The following PROK2 variants were observed in gnomAD, a reference collection of about 807,000 sequenced individuals.
PROK2 encodes the protein prokineticin 2.
Under a neutral mutation model 14.2 loss-of-function variants are expected in PROK2, and 8 were observed. The ratio of observed to expected loss-of-function variants is 0.56; its 90% confidence interval spans 0.33 to 1.02. PROK2 has a LOEUF of 1.02. Ranked by LOEUF, PROK2 falls within the 50% of genes least tolerant of loss-of-function variation. PROK2 has a pLI of 0.03. For missense variants in PROK2, 154 were observed against 160.4 expected, an observed-to-expected ratio of 0.96 and a Z score of 0.22; for synonymous variants, 59 against 60.7, an observed-to-expected ratio of 0.97 and a Z score of 0.13.
At chr3:71,773,096 C>T (rs1252168227) in intron 3 of PROK2, among the ~76,000 whole-genome samples, 7 of 152,200 alleles carry the variant, frequency 4.6e-5, no homozygotes, top group African/African-American at 9.7e-5. Flanking sequence ...TCTTCTGCCT[C>T]GGGCTCCCGA....
chr3:71,784,981 A>G lies in PROK2; in HGVS notation c.72T>C (p.Ala24=). 1 of 1,249,878 alleles carries G rather than the reference A, an allele frequency of 8.0e-7. No individual in the cohort carries two copies. Among genetic ancestry groups the G allele is most frequent in the Non-Finnish European group, 1.0e-6 (1 of 994,912 alleles). The allele number at this position is 1,249,878 out of a possible 1,614,324, so 77.4% of individuals were successfully genotyped here. ...CCCCGGTGATCACGGCGGCGTCCCCAGCGCGGGGCGTGAGCAGCAGCGGCG... is the reference window on the plus strand; with the variant it reads ...CCCCGGTGATCACGGCGGCGTCCCCGGCGCGGGGCGTGAGCAGCAGCGGCG... The part of the protein sequence containing the change: ...LLPPLLLTPR[A]GDAAVITGAC... Residue 24 remains alanine (A), a synonymous_variant, in exon 1 of 4, where the codon GCT becomes GCC. Coordinates refer to ENST00000295619, the MANE Select transcript of PROK2 (RefSeq NM_001126128.2).
At chr3:71,780,776 C>T (rs566967470) in intron 2 of PROK2, among the ~76,000 whole-genome samples, 2 of 152,280 alleles carry the variant, frequency 1.3e-5, no homozygotes, top group South Asian at 2.1e-4. Flanking sequence ...ACCTTCCTGA[C>T]CCCTGTAGAC....
chr3:71,775,962 G>A (rs994077289), intron 2 of PROK2, among the ~76,000 whole-genome samples: 1 of 152,072 alleles, frequency 6.6e-6, no homozygotes, highest in Non-Finnish European at 1.5e-5. Flanking sequence ...GCCCTGCCCA[G>A]CTCCGAGCAG....
At chr3:71,777,616 C>T (rs1048660113) in intron 2 of PROK2, among the ~76,000 whole-genome samples, 3 of 151,364 alleles carry the variant, frequency 2.0e-5, no homozygotes, top group Admixed American at 1.3e-4. Context: ...ACATAAAAAG[C>T]GCAGGAAAAT....
At chr3:71,778,113 C>T (rs569957956) in intron 2 of PROK2, among the ~76,000 whole-genome samples, 10 of 151,908 alleles carry the variant, frequency 6.6e-5, no homozygotes, top group African/African-American at 2.2e-4. Flanking sequence ...AGGAGAATGG[C>T]GTGAACCCGG....
At chr3:71,782,098 G>A (rs2050164848) in intron 1 of PROK2, among the ~76,000 whole-genome samples, 1 of 152,214 alleles carries the variant, frequency 6.6e-6, no homozygotes, top group African/African-American at 2.4e-5. Flanking sequence ...GTAAATTTCA[G>A]AAGTGCTCAT....
chr3:71,777,334 T>C (rs1573959), intron 2 of PROK2, among the ~76,000 whole-genome samples: 58,735 of 152,064 alleles, frequency 0.39, 12,239 homozygotes, highest in Middle Eastern at 0.51. Flanking sequence ...TTCTTCCCCA[T>C]CTTTTGCTAA....
chr3:71,784,947 G>A lies in PROK2; in HGVS notation c.96+10C>T, dbSNP rs1326177429. 8.0e-7 allele frequency: 1 copy of A among 1,244,650 alleles called. No individual in the cohort carries two copies. 77.1% of individuals were successfully genotyped at this position (1,244,650 alleles called of 1,614,324 possible). On this transcript the variant is annotated intron_variant, in intron 1 of 3. Transcript: ENST00000295619. ...CATCAGGGGCAGACAGGTGCGCCCG[G>A]GCCGCTTACCCCGGTGATCACGGCG... is the stretch of plus-strand genomic sequence containing the variant.
intron 2 of PROK2, among the ~76,000 whole-genome samples, chr3:71,776,429 G>A (rs913355478): frequency 7.9e-6 from 1 of 126,246 alleles, no homozygotes; most frequent in African/African-American, 3.0e-5. Context: ...CCAGACTGGA[G>A]TGCAATGGCA....
intron 3 of PROK2, among the ~76,000 whole-genome samples, chr3:71,773,572 C>T (rs1049400037): frequency 2.0e-5 from 3 of 152,100 alleles, no homozygotes; most frequent in Non-Finnish European, 4.4e-5. Context: ...ATGGGCATGA[C>T]CATGTCTATG....
At chr3:71,784,631 A>G (rs1002336790) in intron 1 of PROK2, among the ~76,000 whole-genome samples, 2 of 152,336 alleles carry the variant, frequency 1.3e-5, no homozygotes, top group Admixed American at 1.3e-4. Context: ...CTCAGAGAGA[A>G]ACTTCTTTCA....
intron 1 of PROK2, among the ~76,000 whole-genome samples, chr3:71,784,259 G>T (rs1303518286): frequency 1.3e-5 from 2 of 152,024 alleles, no homozygotes; most frequent in African/African-American, 4.8e-5. Context: ...TGAAAACATC[G>T]TCTCTAAGTT....
intron 3 of PROK2, 135 bp downstream of exon 3, chr3:71,774,310 T>C (rs2108189952): frequency 6.8e-7 from 1 of 1,471,048 alleles, no homozygotes; most frequent in Non-Finnish European, 9.1e-7. Flanking sequence ...TGTCTACAGA[T>C]AGTGGCAGAA....
At chr3:71,775,927 C>A (rs2050114162) in intron 2 of PROK2, among the ~76,000 whole-genome samples, 1 of 152,170 alleles carries the variant, frequency 6.6e-6, no homozygotes, top group Non-Finnish European at 1.5e-5. Flanking sequence ...AGATGACCAA[C>A]TCAGATCCCA....
intron 1 of PROK2, among the ~76,000 whole-genome samples, chr3:71,782,449 A>G (rs1189345272): frequency 6.6e-6 from 1 of 152,252 alleles, no homozygotes; most frequent in African/African-American, 2.4e-5. Flanking sequence ...ACAATCAACT[A>G]TGGAGGAATT....
chr3:71,772,385 A>G lies in PROK2; in HGVS notation c.*339T>C. ...TGGGGTGGTGAGAAAAAAAAAAAAA[A>G]GTTTTTCTAACAAAATATCAAATTC... On this transcript the variant is annotated 3_prime_UTR_variant, in exon 4 of 4. Coordinates refer to ENST00000295619, the MANE Select transcript of PROK2 (RefSeq NM_001126128.2). The G allele has an allele frequency of 3.9e-6, 1 of 257,758 alleles. No homozygotes were observed. The highest frequency in any genetic ancestry group is 7.5e-6 in the Non-Finnish European group (1 of 133,904). The allele number at this position is 257,758 out of a possible 1,614,324, so 16.0% of individuals were successfully genotyped here.
intron 3 of PROK2, among the ~76,000 whole-genome samples, chr3:71,773,465 C>T (rs764773400): frequency 1.4e-4 from 22 of 152,164 alleles, no homozygotes; most frequent in Admixed American, 7.2e-4. Flanking sequence ...AGAGACCAAG[C>T]TTTTAGTCCT....
intron 1 of PROK2, among the ~76,000 whole-genome samples, chr3:71,782,370 T>C (rs560425353): frequency 2.6e-5 from 4 of 152,270 alleles, no homozygotes; most frequent in African/African-American, 9.6e-5. Flanking sequence ...AAGTAACAGG[T>C]GCAATTGTCA....
Position 71,772,765 on chromosome 3 carries a change from G to A in PROK2, c.349C>T (p.Arg117Trp), listed in dbSNP as rs750885767. 51 of 1,614,044 alleles carry A rather than the reference G, an allele frequency of 3.2e-5. No individual in the cohort carries two copies. Among genetic ancestry groups the A allele is most frequent in the East Asian group, 6.7e-5 (3 of 44,896 alleles). ...CAAATAAATCGGTTAAATGAAGTCCGTAAACAGGCCAAGCCTGGCAGACAT... is the reference window on the plus strand; with the variant it reads ...CAAATAAATCGGTTAAATGAAGTCCATAAACAGGCCAAGCCTGGCAGACAT... Reference protein sequence around the residue: ...CPCLPGLACLRTSFNRFICLA... With the variant: ...CPCLPGLACLWTSFNRFICLA... The change falls in exon 4 of 4, where the codon CGG becomes TGG. Residue 117 changes from arginine (R) to tryptophan (W), a missense_variant. Physicochemically the swap from Arg to Trp is moderately radical, Grantham distance 101. Transcript: ENST00000295619.
Sources: allele counts gnomAD v4.1 joint callset (sites outside exome capture counted in the v4.1 genomes callset), GRCh38; gene constraint gnomAD v4.1.1; transcripts MANE v1.5; gene names NCBI Gene and HGNC (gene_info 2026-07-23, HGNC 2026-07-21).